Variants in COP1 observed in about 807,000 individuals in gnomAD.
COP1 encodes the protein COP1 E3 ubiquitin ligase.
COP1 carries 24 observed loss-of-function variants against 101.3 expected under a neutral mutation model. The observed-to-expected ratio is 0.24, with a 90% CI of 0.17 to 0.33. The LOEUF (loss-of-function observed/expected upper bound fraction) is 0.33. Among genes scored for constraint, COP1 ranks in the 10% least tolerant of loss-of-function variants. The probability of loss-of-function intolerance (pLI) is 1.00; values close to 1 mark genes in which losing one functional copy is unlikely to be tolerated. For missense variants in COP1, 663 were observed against 906.2 expected (o/e 0.73, Z 3.45); for synonymous variants, 347 against 341.9 (o/e 1.01, Z -0.17).
At chr1:176,195,215 A>T (rs2102196692) in intron 1 of COP1, among the ~76,000 whole-genome samples, 1 of 152,246 alleles carries the variant, frequency 6.6e-6, no homozygotes, top group African/African-American at 2.4e-5. Context: ...GGCTATATTA[A>T]CATCAAAGTA....
intron 1 of COP1, among the ~76,000 whole-genome samples, chr1:176,189,716 T>C (rs1572766623): frequency 6.6e-6 from 1 of 150,472 alleles, no homozygotes; most frequent in South Asian, 2.1e-4. Context: ...CACTAAAAAA[T>C]GAGAAACAAA....
At chr1:175,950,432 A>G (rs1018143410) in intron 18 of COP1, among the ~76,000 whole-genome samples, 2 of 152,204 alleles carry the variant, frequency 1.3e-5, no homozygotes, top group African/African-American at 4.8e-5. Context: ...CAGAAAAATA[A>G]GACCAGATAT....
intron 4 of COP1, 42 bp downstream of exon 4, chr1:176,163,773 A>G (rs1171738716): frequency 7.9e-7 from 1 of 1,260,026 alleles, no homozygotes; most frequent in African/African-American, 1.5e-5. Flanking sequence ...AAAAACAACA[A>G]AATGAAATTT....
At chr1:176,016,742 A>C (rs181751350) in intron 15 of COP1, among the ~76,000 whole-genome samples, 27 of 152,140 alleles carry the variant, frequency 1.8e-4, no homozygotes, top group Non-Finnish European at 3.7e-4. Flanking sequence ...CTTTTTTTAA[A>C]AAAAAAAATT....
chr1:176,019,689 C>T (rs192100557), intron 15 of COP1, among the ~76,000 whole-genome samples: 14 of 151,832 alleles, frequency 9.2e-5, no homozygotes, highest in Admixed American at 9.2e-4. Flanking sequence ...AGTGAAAATA[C>T]GTTTTTCCAA....
At chr1:176,045,315 G>A (rs1671318436) in intron 12 of COP1, among the ~76,000 whole-genome samples, 1 of 152,034 alleles carries the variant, frequency 6.6e-6, no homozygotes, top group African/African-American at 2.4e-5. Flanking sequence ...AATGATGAGT[G>A]CCACAAATGA....
chr1:176,067,083 G>A (rs578214880), intron 11 of COP1, among the ~76,000 whole-genome samples: 176 of 152,254 alleles, frequency 1.2e-3, no homozygotes, highest in Admixed American at 2.2e-3. Context: ...ATTATAAAAA[G>A]TATGATATTA....
At position 176,205,441 on chromosome 1, in the gene COP1, C is replaced by A. The variant is rs531506924; in HGVS notation, c.407+1131G>T. On this transcript the variant is annotated intron_variant, in intron 1 of 19. Transcript: ENST00000367669. ...TCAATAACTTTCCTAACAGTTCCAA[C>A]TTCTAGCTCTATCTTATTTAATAAC... 3.3e-5 allele frequency among the ~76,000 whole-genome samples: 5 copies of A among 152,292 alleles called. No homozygotes were observed. In the South Asian group the frequency reaches 1.0e-3, roughly 32 times the overall value.
intron 14 of COP1, among the ~76,000 whole-genome samples, chr1:176,028,727 A>ATATATATATATATATATATG (rs5778886): frequency 8.9e-6 from 1 of 111,750 alleles, no homozygotes; most frequent in Non-Finnish European, 1.9e-5. Context: ...ATATATATAT[A>ATATATATATATATATATATG]GTTTTATATA....
In COP1 at chr1:176,066,633, G is replaced by A. The variant is rs930317769; in HGVS notation, c.1277+14519C>T. Among the ~76,000 whole-genome samples the A allele has an allele frequency of 1.4e-4, 22 of 152,320 alleles. No individual in the cohort carries two copies. In the East Asian group the frequency reaches 4.0e-3, roughly 28 times the overall value. On this transcript the variant is annotated intron_variant, in intron 11 of 19. Transcript: ENST00000367669. ...GTCAAGGTGAGATGGTTCTCCAGCA[G>A]AGTAAGAGTATGTTTCCTTTTAAAG...
At chr1:176,038,561 T>C (rs1481367821) in intron 14 of COP1, among the ~76,000 whole-genome samples, 4 of 152,324 alleles carry the variant, frequency 2.6e-5, no homozygotes, top group Admixed American at 2.6e-4. Context: ...GGCTCATGCC[T>C]GTAATCCCAG....
chr1:176,194,369 G>A (rs144590688), intron 1 of COP1, among the ~76,000 whole-genome samples: 1 of 152,212 alleles, frequency 6.6e-6, no homozygotes, highest in Non-Finnish European at 1.5e-5. Context: ...GCTGGGCGCA[G>A]TGGCTCACAC....
chr1:176,106,150 C>T (rs983265374), intron 9 of COP1, among the ~76,000 whole-genome samples: 1 of 152,200 alleles, frequency 6.6e-6, no homozygotes, highest in African/African-American at 2.4e-5. Flanking sequence ...TCTGCCTCAG[C>T]ATCCTGAGTA....
intron 5 of COP1, among the ~76,000 whole-genome samples, chr1:176,161,002 T>G (rs1413012696): frequency 6.6e-6 from 1 of 152,182 alleles, no homozygotes; most frequent in Non-Finnish European, 1.5e-5. Flanking sequence ...CCACTCATTG[T>G]TTTCAGCCTT....
chr1:176,141,031 G>A (rs1338672842), intron 6 of COP1, among the ~76,000 whole-genome samples: 1 of 152,182 alleles, frequency 6.6e-6, no homozygotes, highest in South Asian at 2.1e-4. Flanking sequence ...TGGATTTGGT[G>A]CAGGTAGGTA....
intron 11 of COP1, among the ~76,000 whole-genome samples, chr1:176,073,260 A>G (rs1677338130): frequency 6.6e-6 from 1 of 152,230 alleles, no homozygotes; most frequent in African/African-American, 2.4e-5. Flanking sequence ...CAGTACAGAG[A>G]CTATTCTAGC....
intron 9 of COP1, among the ~76,000 whole-genome samples, chr1:176,100,548 G>A (rs944757024): frequency 6.6e-6 from 1 of 152,080 alleles, no homozygotes; most frequent in African/African-American, 2.4e-5. Flanking sequence ...GTAGTTTCCA[G>A]CTGCAGCTCA....
chr1:176,050,900 G>T (rs1316306158), intron 11 of COP1, among the ~76,000 whole-genome samples: 3 of 152,074 alleles, frequency 2.0e-5, no homozygotes, highest in Non-Finnish European at 4.4e-5. Context: ...CAATCATCAT[G>T]CAAACTTGCA....
At chr1:176,042,730 CAAAAAAAAAA>C (rs35637870) in intron 14 of COP1, among the ~76,000 whole-genome samples, 1 of 49,654 alleles carries the variant, frequency 2.0e-5, no homozygotes, top group Admixed American at 2.6e-4. Flanking sequence ...AACTCTATCT[CAAAAAAAAAA>C]AAAAAAAAAA....
Sources: allele counts gnomAD v4.1 joint callset (sites outside exome capture counted in the v4.1 genomes callset), GRCh38; gene constraint gnomAD v4.1.1; transcripts MANE v1.5; gene names NCBI Gene and HGNC (gene_info 2026-07-23, HGNC 2026-07-21).